Variants in ATP9B observed in about 807,000 individuals in gnomAD.
ATP9B encodes the protein ATPase phospholipid transporting 9B, also known as probable phospholipid-transporting ATPase IIB.
A neutral mutation model predicts 146.1 loss-of-function variants in ATP9B; 110 were observed. The observed-to-expected ratio is 0.75, with a 90% confidence interval of 0.65 to 0.88. The LOEUF (loss-of-function observed/expected upper bound fraction) is 0.88. ATP9B is among the 40% of genes least tolerant of loss of function. The pLI is 0.00. For synonymous variants in ATP9B, 604 were observed against 569.7 expected (o/e 1.06, Z -0.86); for missense variants, 1,499 against 1,496.4 (o/e 1.00, Z -0.03).
At chr18:79,167,761 C>G (rs2094996764) in intron 7 of ATP9B, among the ~76,000 whole-genome samples, 1 of 152,192 alleles carries the variant, frequency 6.6e-6, no homozygotes. Context: ...GGCAGTGGAC[C>G]TCACTGGGAA....
Position 79,347,903 on chromosome 18 carries a change from G to A in ATP9B, c.2816G>A (p.Gly939Asp). 1.2e-6 allele frequency: 2 copies of A among 1,613,124 alleles called. No individual in the cohort carries two copies. Among genetic ancestry groups the A allele is most frequent in the Non-Finnish European group, 1.7e-6 (2 of 1,179,854 alleles). ...CTCGGCCAGTTCGTCATGCACAGGG[G>A]CCTTATCATCTCCACCATGCAGGTA... is the stretch of plus-strand genomic sequence containing the variant. ...AALGQFVMHRGLIISTMQAVF... is the reference protein window; with the variant it reads ...AALGQFVMHRDLIISTMQAVF... The change falls in exon 24 of 30, where the codon GGC becomes GAC. Residue 939 changes from glycine (G) to aspartate (D), a missense_variant. Transcript: ENST00000426216.
At chr18:79,197,130 C>G (rs1425760947) in intron 9 of ATP9B, among the ~76,000 whole-genome samples, 1 of 152,120 alleles carries the variant, frequency 6.6e-6, no homozygotes. Flanking sequence ...AGACAATATT[C>G]TCTGATCACA....
At position 79,322,975 on chromosome 18, in the gene ATP9B, C is replaced by T. The variant is rs374874333; in HGVS notation, c.1774-6166C>T. ...TTAAGTTTTTAAATTTTAAATTATT[C>T]TGGGTACGTAATAGTACATACTTAT... On this transcript the variant is annotated intron_variant, in intron 15 of 29. Transcript: ENST00000426216. Among the ~76,000 whole-genome samples the T allele has an allele frequency of 2.4e-3, 364 of 152,258 alleles. 1 individual carries two copies. Among genetic ancestry groups the T allele is most frequent in the South Asian group, 6.2e-3 (30 of 4,822 alleles).
intron 10 of ATP9B, among the ~76,000 whole-genome samples, chr18:79,212,217 T>C (rs1216283342): frequency 1.3e-5 from 2 of 152,228 alleles, no homozygotes; most frequent in Non-Finnish European, 2.9e-5. Flanking sequence ...TCAGAAAAAT[T>C]CATTTAATCT....
At chr18:79,331,105 C>A (rs1600094768) in intron 17 of ATP9B, among the ~76,000 whole-genome samples, 1 of 152,142 alleles carries the variant, frequency 6.6e-6, no homozygotes, top group African/African-American at 2.4e-5. Flanking sequence ...GTTGGATTTC[C>A]AAGTAAAATG....
intron 25 of ATP9B, among the ~76,000 whole-genome samples, chr18:79,351,002 C>T (rs899055686): frequency 3.3e-5 from 5 of 152,074 alleles, no homozygotes; most frequent in Non-Finnish European, 7.4e-5. Flanking sequence ...AACTCCTGAC[C>T]TCAAATGATC....
intron 8 of ATP9B, among the ~76,000 whole-genome samples, chr18:79,191,246 G>C (rs1171220290): frequency 6.6e-6 from 1 of 151,806 alleles, no homozygotes; most frequent in East Asian, 1.9e-4. Flanking sequence ...TTTTTCTTTA[G>C]GTATTTTTGA....
intron 13 of ATP9B, among the ~76,000 whole-genome samples, chr18:79,281,833 G>A (rs925603889): frequency 2.6e-5 from 4 of 152,218 alleles, no homozygotes; most frequent in African/African-American, 9.7e-5. Context: ...AGACCAGCCT[G>A]ACCAACATGG....
intron 23 of ATP9B, among the ~76,000 whole-genome samples, chr18:79,346,462 C>T (rs1308463456): frequency 2.0e-5 from 3 of 147,198 alleles, no homozygotes; most frequent in African/African-American, 7.6e-5. Flanking sequence ...AGCACACATT[C>T]GGCACACATT....
At chr18:79,160,682 A>C (rs1376595990) in intron 7 of ATP9B, among the ~76,000 whole-genome samples, 1 of 152,238 alleles carries the variant, frequency 6.6e-6, no homozygotes, top group Non-Finnish European at 1.5e-5. Flanking sequence ...TCAGAAGAGG[A>C]ATCTGAGGGC....
At chr18:79,331,141 T>C (rs1198829323) in intron 17 of ATP9B, among the ~76,000 whole-genome samples, 1 of 152,212 alleles carries the variant, frequency 6.6e-6, no homozygotes, top group African/African-American at 2.4e-5. Context: ...GTAGTAAACA[T>C]GGCCCTTTTT....
chr18:79,143,049 G>A (rs1347311297), intron 5 of ATP9B, among the ~76,000 whole-genome samples: 1 of 152,124 alleles, frequency 6.6e-6, no homozygotes, highest in Non-Finnish European at 1.5e-5. Flanking sequence ...GAGAGAGTGA[G>A]GAAGTGAGGG....
intron 17 of ATP9B, 55 bp from the exon 18 acceptor site, chr18:79,336,573 C>T: frequency 6.5e-7 from 1 of 1,540,638 alleles, no homozygotes; most frequent in Admixed American, 1.7e-5. Flanking sequence ...TGGCCCCACA[C>T]ACGGCCACAG....
At chr18:79,256,283 A>ATG (rs2096078126) in intron 12 of ATP9B, among the ~76,000 whole-genome samples, 1 of 140,982 alleles carries the variant, frequency 7.1e-6, no homozygotes, top group Non-Finnish European at 1.5e-5. Context: ...ATATATATAT[A>ATG]TATACATACA....
At chr18:79,212,697 G>C (rs369968880) in intron 10 of ATP9B, among the ~76,000 whole-genome samples, 3 of 152,060 alleles carry the variant, frequency 2.0e-5, no homozygotes, top group East Asian at 1.9e-4. Context: ...TTATAGTATT[G>C]TATTATATAT....
chr18:79,130,772 T>G (rs1190463305), intron 5 of ATP9B, among the ~76,000 whole-genome samples: 1 of 152,074 alleles, frequency 6.6e-6, no homozygotes, highest in Non-Finnish European at 1.5e-5. Context: ...CATGGAGGTC[T>G]GAAGGCAGTG....
At chr18:79,341,655 A>T (rs112599570) in intron 19 of ATP9B, among the ~76,000 whole-genome samples, 1 of 102,498 alleles carries the variant, frequency 9.8e-6, no homozygotes, top group African/African-American at 4.3e-5. Flanking sequence ...CTGCGTTGCC[A>T]ACACACCATT....
At chr18:79,319,770 T>G (rs1273630352) in intron 15 of ATP9B, among the ~76,000 whole-genome samples, 1 of 152,242 alleles carries the variant, frequency 6.6e-6, no homozygotes, top group Non-Finnish European at 1.5e-5. Context: ...TGCATGTATG[T>G]GATTCTCCAT....
intron 9 of ATP9B, among the ~76,000 whole-genome samples, chr18:79,193,583 G>C (rs551863844): frequency 6.6e-6 from 1 of 152,216 alleles, no homozygotes; most frequent in African/African-American, 2.4e-5. Flanking sequence ...TCCACATCAT[G>C]TCTAGCTTTT....
Sources: gnomAD v4.1 joint callset for allele counts (sites outside exome capture counted in the v4.1 genomes callset) on GRCh38, gnomAD v4.1.1 for gene constraint, MANE v1.5 for transcripts, NCBI Gene and HGNC (gene_info 2026-07-23, HGNC 2026-07-21) for gene names.